PPP1R9B: variants seen among roughly 807,000 people sequenced by gnomAD.
PPP1R9B encodes the protein neurabin-2.
A neutral mutation model predicts 75.8 loss-of-function variants in PPP1R9B; 17 were observed. The ratio of observed to expected loss-of-function variants is 0.22; its 90% CI spans 0.15 to 0.34. PPP1R9B has a LOEUF of 0.34. Among genes scored for constraint, PPP1R9B ranks in the 10% least tolerant of loss-of-function variants. PPP1R9B has a pLI of 1.00. For synonymous variants in PPP1R9B, 509 were observed against 535.4 expected, an observed-to-expected ratio of 0.95 and a Z score of 0.68; for missense variants, 875 against 1,196.0, an observed-to-expected ratio of 0.73 and a Z score of 3.96.
chr17:50,135,653 G>A lies in PPP1R9B; in HGVS notation c.2304-4C>T. 1 of 1,602,082 alleles carries A rather than the reference G, an allele frequency of 6.2e-7. No individual in the cohort carries two copies. The highest frequency in any genetic ancestry group is 8.5e-7 in the Non-Finnish European group (1 of 1,174,056). ...CTTTTTCAGGAACTCGATCTCCCTGGGCACAGGCAAGGGACAGATGGCAGG... is the reference window on the plus strand; with the variant it reads ...CTTTTTCAGGAACTCGATCTCCCTGAGCACAGGCAAGGGACAGATGGCAGG... On this transcript the variant is annotated splice_region_variant and splice_polypyrimidine_tract_variant and intron_variant, in intron 8 of 9. Transcript: ENST00000612501.
At chr17:50,138,153 CGTGTGTGTGTGTGTGT>C (rs58489923) in intron 7 of PPP1R9B, among the ~76,000 whole-genome samples, 2,841 of 146,416 alleles carry the variant, frequency 0.019, 40 homozygotes, top group African/African-American at 0.033. Flanking sequence ...GTGTATACTA[CGTGTGTGTGTGTGTGT>C]GTGTGTGTGT....
At chr17:50,143,747 G>A in intron 2 of PPP1R9B, 29 bp from the exon 3 acceptor site, 2 of 1,613,164 alleles carry the variant, frequency 1.2e-6, no homozygotes, top group Non-Finnish European at 1.7e-6. Context: ...TGAGATGGCA[G>A]GGCTTGTAGG....
Position 50,141,315 on chromosome 17 carries a change from G to T in PPP1R9B, c.1684C>A (p.Gln562Lys). 1 of 1,593,290 alleles carries T rather than the reference G, an allele frequency of 6.3e-7. No homozygotes were observed. ...CGGAGCACAGACGCCGCGAAGCTCT[G>T]GGTCACTCCCACCAGACTTGTTCCA... is the stretch of plus-strand genomic sequence containing the variant. ...VDGTSLVGVT[Q>K]SFAASVLRNT... The change falls in exon 4 of 10, where the codon CAG (glutamine) becomes AAG (lysine). Residue 562 changes from glutamine to lysine, a missense_variant. Transcript: ENST00000612501.
chr17:50,150,456 G>A lies in PPP1R9B; in HGVS notation c.58C>T (p.Arg20Cys). The A allele has an allele frequency of 7.2e-7, 1 of 1,387,796 alleles. No individual in the cohort carries two copies. Among genetic ancestry groups the A allele is most frequent in the Non-Finnish European group, 9.4e-7 (1 of 1,065,590 alleles). The allele number at this position is 1,387,796 out of a possible 1,614,324, so 86.0% of individuals were successfully genotyped here. ...TGGATGCCCGCCTCGTAGGCGCTGC[G>A]GTGCGGGGAGGCGCTCCGGAGGGGA... Reference protein sequence around the residue: ...GGPLRSASPHRSAYEAGIQAL... With the variant: ...GGPLRSASPHCSAYEAGIQAL... Residue 20 changes from arginine to cysteine, a missense_variant, in exon 1 of 10, where the codon CGC (arginine) becomes TGC (cysteine). This residue lies in a region of PPP1R9B where 145 missense variants were observed against 226.1 expected (regional missense o/e 0.64). Transcript: ENST00000612501. This position sits in a 1 kb window ranked among gnomAD's most constrained non-coding sequence, Gnocchi z 8.7.
chr17:50,150,617 C>A lies in PPP1R9B; in HGVS notation c.-104G>T. 1.7e-6 allele frequency: 2 copies of A among 1,177,514 alleles called. No homozygotes were observed. Among genetic ancestry groups the A allele is most frequent in the Non-Finnish European group, 1.1e-6 (1 of 935,710 alleles). The allele number at this position is 1,177,514 out of a possible 1,614,324, so 72.9% of individuals were successfully genotyped here. On this transcript the variant is annotated 5_prime_UTR_variant, in exon 1 of 10. Transcript: ENST00000612501. The surrounding 1 kb of genome is among the most constrained non-coding windows in gnomAD (Gnocchi z 8.7). ...GCCCCCTCCCCCCGATAAAAGAAAC[C>A]CCGAAGGCCTTTTTTAGGGTCCCCC...
chr17:50,140,440 C>T (rs1912345375), intron 4 of PPP1R9B: 1 of 641,548 alleles, frequency 1.6e-6, no homozygotes, highest in Non-Finnish European at 2.6e-6. Flanking sequence ...CCCATTCACC[C>T]CTCTGGCCAG....
rs1245449015 is a variant in PPP1R9B, at chr17:50,142,690, C to T, written c.1625+908G>A. On this transcript the variant is annotated intron_variant, in intron 3 of 9. Transcript: ENST00000612501. This position sits in a 1 kb window ranked among gnomAD's most constrained non-coding sequence, Gnocchi z 4.1. ...CCACCCTGGGGGATGCCCTACAGCC[C>T]TTCCTACTGCCACTCCCCACACCCC... Among the ~76,000 whole-genome samples, 1 of 152,130 alleles carries T rather than the reference C, an allele frequency of 6.6e-6. No homozygotes were observed.
intron 7 of PPP1R9B, chr17:50,137,506 C>A (rs1912260777): frequency 6.5e-6 from 1 of 152,852 alleles, no homozygotes; most frequent in African/African-American, 2.4e-5. Context: ...TGGCCTGTCA[C>A]TCTGACCCCG....
rs773879592 is a variant in PPP1R9B at position 50,139,621 on chromosome 17, AGCTGCCCTCAGCCCTGATGACCAGG to A, written c.1867-65_1867-41del. 16 of 1,517,808 alleles carry A rather than the reference AGCTGCCCTCAGCCCTGATGACCAGG, an allele frequency of 1.1e-5. No homozygotes were observed. In the East Asian group the frequency reaches 3.4e-4, roughly 32 times the overall value. The allele number at this position is 1,517,808 out of a possible 1,614,324, so 94.0% of individuals were successfully genotyped here. A position where few individuals can be genotyped will look rare whatever the true frequency, so the allele number is the denominator to read the frequency against. On this transcript the variant is annotated intron_variant, in intron 5 of 9. Coordinates refer to ENST00000612501, the MANE Select transcript of PPP1R9B (RefSeq NM_032595.5). The surrounding 1 kb of genome is among the most constrained non-coding windows in gnomAD (Gnocchi z 5.0). ...CGGAGACTGTGGGCCCACCCCACCC[AGCTGCCCTCAGCCCTGATGACCAGG>A]GCTGGGACCAGTTGCCCATGCCAGA...
At chr17:50,144,521 G>A (rs542246698) in intron 2 of PPP1R9B, among the ~76,000 whole-genome samples, 15 of 152,214 alleles carry the variant, frequency 9.9e-5, no homozygotes, top group South Asian at 2.1e-4. Context: ...ACAAGACCAC[G>A]TGGTCTGCAA....
chr17:50,138,232 C>T (rs1343874273), intron 7 of PPP1R9B, among the ~76,000 whole-genome samples: 1 of 151,766 alleles, frequency 6.6e-6, no homozygotes, highest in African/African-American at 2.4e-5. Context: ...ATCAGCACCT[C>T]TGTGTTACTT....
intron 8 of PPP1R9B, 23 bp downstream of exon 8, chr17:50,135,945 C>T (rs1598243952): frequency 7.0e-7 from 1 of 1,426,546 alleles, no homozygotes; most frequent in Non-Finnish European, 9.6e-7. Flanking sequence ...TGGGCCCAGC[C>T]CGCCCAGCCC....
Position 50,140,105 on chromosome 17 carries a change from C to G in PPP1R9B, c.1854G>C (p.Glu618Asp), listed in dbSNP as rs778771836. 2.5e-6 allele frequency: 4 copies of G among 1,613,408 alleles called. No individual in the cohort carries two copies. The highest frequency in any genetic ancestry group is 4.5e-5 in the East Asian group (2 of 44,882). Residue 618 changes from glutamate (E) to aspartate (D), a missense_variant, in exon 5 of 10, where the codon GAG becomes GAC. Glu to Asp is a conservative substitution (Grantham distance 45). Coordinates refer to ENST00000612501, the MANE Select transcript of PPP1R9B (RefSeq NM_032595.5). ...MMEQRYAQYG[E>D]DDEETGEYAT... is the part of the protein sequence containing the mutation. Reference sequence around the variant, plus strand: ...AGGGACTCCCTACCTCCTCGTCATCCTCCCCATACTGGGCGTATCTCTGCT... The same window carrying G: ...AGGGACTCCCTACCTCCTCGTCATCGTCCCCATACTGGGCGTATCTCTGCT...
chr17:50,136,764 C>T (rs572917430), intron 7 of PPP1R9B, among the ~76,000 whole-genome samples: 23 of 152,050 alleles, frequency 1.5e-4, no homozygotes, highest in Admixed American at 3.3e-4. Context: ...TCTATACTCA[C>T]TGCCCTGGGG....
At position 50,142,369 on chromosome 17, in the gene PPP1R9B, C is replaced by T. The variant is rs191656999; in HGVS notation, c.1626-996G>A. ...CCAGGTGGGCATGAGTGAGTGGCCACGGCCACCATGCACACTCACTCCTTA... is the reference window on the plus strand; with the variant it reads ...CCAGGTGGGCATGAGTGAGTGGCCATGGCCACCATGCACACTCACTCCTTA... On this transcript the variant is annotated intron_variant, in intron 3 of 9. Coordinates refer to ENST00000612501, the MANE Select transcript of PPP1R9B (RefSeq NM_032595.5). This position sits in a 1 kb window ranked among gnomAD's most constrained non-coding sequence, Gnocchi z 4.1. Among the ~76,000 whole-genome samples, 1 of 152,182 alleles carries T rather than the reference C, an allele frequency of 6.6e-6. No individual in the cohort carries two copies. The highest frequency in any genetic ancestry group is 2.4e-5 in the African/African-American group (1 of 41,436).
intron 1 of PPP1R9B, chr17:50,145,904 C>T (rs1008566645): frequency 2.0e-5 from 3 of 153,126 alleles, no homozygotes; most frequent in African/African-American, 7.2e-5. Context: ...CCTCCATCCC[C>T]AGGAGCCCCT....
At chr17:50,147,997 G>A (rs1404431851) in intron 1 of PPP1R9B, among the ~76,000 whole-genome samples, 1 of 152,190 alleles carries the variant, frequency 6.6e-6, no homozygotes, top group Non-Finnish European at 1.5e-5. Flanking sequence ...GCCAAGGAGA[G>A]TCCAGGGACC....
In PPP1R9B at chr17:50,145,208, C is replaced by T. The variant is rs565040101; in HGVS notation, c.1409G>A (p.Arg470His). Residue 470 changes from arginine (R) to histidine (H), a missense_variant, in exon 2 of 10, where the codon CGC becomes CAC. By Grantham distance (29) the Arg-to-His change is conservative. Transcript: ENST00000612501. ...STYSNEDYDRRNEDVDPMAAS... is the reference protein window; with the variant it reads ...STYSNEDYDRHNEDVDPMAAS... ...TGCCATGGGATCCACATCCTCGTTG[C>T]GACGATCGTAATCCTCGTTGGAGTA... is the stretch of plus-strand genomic sequence containing the variant. The T allele has an allele frequency of 4.3e-6, 7 of 1,613,926 alleles. No individual in the cohort carries two copies. Among genetic ancestry groups the T allele is most frequent in the African/African-American group, 2.7e-5 (2 of 75,048 alleles).
rs752546159 is a variant in PPP1R9B at position 50,149,344 on chromosome 17, C to A, written c.1170G>T (p.Ala390=). 26 of 1,613,324 alleles carry A rather than the reference C, an allele frequency of 1.6e-5. No individual in the cohort carries two copies. The highest frequency in any genetic ancestry group is 2.0e-5 in the Non-Finnish European group (24 of 1,179,800). ...TGTAGGCGCTCACGTCCACCAAGTC[C>A]GCCTCCGAGAAGTCCTCCTTCTTGG... ...DESKKEDFSE[A]DLVDVSAYSG... Residue 390 remains alanine, a synonymous_variant, in exon 1 of 10, where the codon GCG becomes GCT. Transcript: ENST00000612501. This position sits in a 1 kb window ranked among gnomAD's most constrained non-coding sequence, Gnocchi z 7.2.
Sources: gnomAD v4.1 joint callset for allele counts (sites outside exome capture counted in the v4.1 genomes callset) on GRCh38, gnomAD v4.1.1 for gene constraint, gnomAD v4.1.1 regional missense constraint, Gnocchi (gnomAD v3.1) non-coding constraint, MANE v1.5 for transcripts, NCBI Gene and HGNC (gene_info 2026-07-23, HGNC 2026-07-21) for gene names.